Variants in PDE4D observed in about 807,000 individuals in gnomAD.
The protein encoded by PDE4D is 3',5'-cyclic-AMP phosphodiesterase 4D.
In PDE4D, 24 loss-of-function variants were observed where a neutral mutation model predicts 87.4. The ratio of observed to expected loss-of-function variants is 0.27; its 90% CI spans 0.20 to 0.39. The LOEUF (loss-of-function observed/expected upper bound fraction) is 0.39. Among genes scored for constraint, PDE4D ranks in the 10% least tolerant of loss-of-function variants. PDE4D has a pLI of 1.00. For synonymous variants in PDE4D, 384 were observed against 383.2 expected, an observed-to-expected ratio of 1.00 and a Z score of -0.02; for missense variants, 714 against 1,041.0, an observed-to-expected ratio of 0.69 and a Z score of 4.32.
intron 1 of PDE4D, among the ~76,000 whole-genome samples, chr5:60,249,857 A>G (rs1203156839): frequency 6.6e-6 from 1 of 152,014 alleles, no homozygotes; most frequent in East Asian, 1.9e-4. Flanking sequence ...TAGGTATGAA[A>G]TGATGTTCAG....
In PDE4D at chr5:59,724,379, A is replaced by C. The variant is rs576956927; in HGVS notation, c.455+168789T>G. 5.9e-5 allele frequency among the ~76,000 whole-genome samples: 9 copies of C among 151,984 alleles called. No homozygotes were observed. In the East Asian group the frequency reaches 1.7e-3, roughly 30 times the overall value. ...TTTTTTCCTTTCCAACCTTTATTTT[A>C]GGTTTAGAGGGAACATAAGCAGCTT... On this transcript the variant is annotated intron_variant, in intron 1 of 14. Transcript: ENST00000340635.
chr5:60,235,225 T>C (rs114806074), intron 1 of PDE4D, among the ~76,000 whole-genome samples: 7 of 152,044 alleles, frequency 4.6e-5, no homozygotes, highest in African/African-American at 1.7e-4. Flanking sequence ...CCTCTAGGAC[T>C]CTTATACATT....
At chr5:59,389,132 T>C (rs1351505112) in intron 1 of PDE4D, among the ~76,000 whole-genome samples, 1 of 152,028 alleles carries the variant, frequency 6.6e-6, no homozygotes, top group African/African-American at 2.4e-5. Context: ...AGAGATTTGA[T>C]CTAGTCAAAT....
At chr5:59,866,788 T>C (rs1449346160) in intron 1 of PDE4D, among the ~76,000 whole-genome samples, 4 of 152,184 alleles carry the variant, frequency 2.6e-5, no homozygotes, top group African/African-American at 9.6e-5. Context: ...GGAGGATGTA[T>C]GATGGGCAAA....
At chr5:59,602,706 C>A (rs532324652) in intron 1 of PDE4D, among the ~76,000 whole-genome samples, 157 of 152,144 alleles carry the variant, frequency 1.0e-3, no homozygotes, top group Non-Finnish European at 1.9e-3. Context: ...TCATATGGAA[C>A]CACAAAAGAC....
chr5:60,325,705 A>T (rs1756722071), intron 1 of PDE4D, among the ~76,000 whole-genome samples: 1 of 152,148 alleles, frequency 6.6e-6, no homozygotes, highest in African/African-American at 2.4e-5. Context: ...CATGGTAATA[A>T]TATCACAACC....
At chr5:60,203,934 T>C (rs908114323) in intron 1 of PDE4D, among the ~76,000 whole-genome samples, 1 of 152,202 alleles carries the variant, frequency 6.6e-6, no homozygotes, top group Non-Finnish European at 1.5e-5. Flanking sequence ...AAGCAAAAGA[T>C]TAACATGTTT....
At chr5:59,985,182 A>G (rs1222635238) in intron 3 of PDE4D, among the ~76,000 whole-genome samples, 1 of 130,944 alleles carries the variant, frequency 7.6e-6, no homozygotes, top group Non-Finnish European at 1.6e-5. Context: ...TCTGTCGCCC[A>G]GGCTGGAGTG....
intron 2 of PDE4D, among the ~76,000 whole-genome samples, chr5:60,177,797 G>A (rs756038758): frequency 2.0e-5 from 3 of 152,146 alleles, no homozygotes; most frequent in South Asian, 2.1e-4. Context: ...TATAGACACC[G>A]GTGAGGTCAT....
chr5:59,364,127 C>T (rs954552311), intron 1 of PDE4D, among the ~76,000 whole-genome samples: 1 of 152,128 alleles, frequency 6.6e-6, no homozygotes, highest in Non-Finnish European at 1.5e-5. Context: ...ATATATAAAA[C>T]TTAGGGTGCC....
At chr5:59,537,570 C>T (rs1214393508) in intron 1 of PDE4D, among the ~76,000 whole-genome samples, 3 of 152,088 alleles carry the variant, frequency 2.0e-5, no homozygotes, top group African/African-American at 7.2e-5. Context: ...TGTGGCTTCT[C>T]AAAAGTAAAA....
At chr5:59,827,506 A>G (rs2152693839) in intron 1 of PDE4D, among the ~76,000 whole-genome samples, 1 of 152,314 alleles carries the variant, frequency 6.6e-6, no homozygotes, top group South Asian at 2.1e-4. Context: ...CATCTTGCTG[A>G]TTAATTAAAC....
At chr5:60,190,679 G>T (rs2149520162) in intron 1 of PDE4D, among the ~76,000 whole-genome samples, 1 of 152,336 alleles carries the variant, frequency 6.6e-6, no homozygotes, top group South Asian at 2.1e-4. Context: ...CATGGCCATT[G>T]CTGTGGCTAG....
chr5:60,243,485 CA>C (rs1747364919), intron 1 of PDE4D, among the ~76,000 whole-genome samples: 4 of 151,866 alleles, frequency 2.6e-5, no homozygotes, highest in Admixed American at 2.0e-4. Context: ...ACCCTGATAC[CA>C]AAACCAGACA....
In PDE4D at chr5:58,973,750, T is replaced by TTATC. The variant is rs2153299733; in HGVS notation, c.*910_*913dup. Reference sequence around the variant, plus strand: ...AAACACTGGTGAAGAGCAACTCTGCTTATCTGGAAAGAGTGAAACAAAATG... The same window carrying TTATC: ...AAACACTGGTGAAGAGCAACTCTGCTTATCTATCTGGAAAGAGTGAAACAAAATG... On this transcript the variant is annotated 3_prime_UTR_variant, in exon 15 of 15. Transcript: ENST00000340635. The TTATC allele has an allele frequency of 6.6e-6, 1 of 152,566 alleles. No homozygotes were observed. The highest frequency in any genetic ancestry group is 1.9e-4 in the East Asian group (1 of 5,150). 9.5% of individuals were successfully genotyped at this position (152,566 alleles called of 1,614,324 possible).
chr5:59,802,176 T>C (rs1767204759), intron 1 of PDE4D, among the ~76,000 whole-genome samples: 1 of 152,122 alleles, frequency 6.6e-6, no homozygotes, highest in Non-Finnish European at 1.5e-5. Context: ...ACAGCCCACA[T>C]CAATTAGAAG....
At chr5:59,766,415 A>G (rs1762799768) in intron 1 of PDE4D, among the ~76,000 whole-genome samples, 1 of 152,214 alleles carries the variant, frequency 6.6e-6, no homozygotes, top group Non-Finnish European at 1.5e-5. Flanking sequence ...TCCAAACAGC[A>G]CCAGAAAAGG....
chr5:59,151,204 A>G (rs1779433200), intron 5 of PDE4D, among the ~76,000 whole-genome samples: 1 of 152,172 alleles, frequency 6.6e-6, no homozygotes, highest in African/African-American at 2.4e-5. Flanking sequence ...TAAAGAAAAG[A>G]TGCTTACTCT....
intron 1 of PDE4D, among the ~76,000 whole-genome samples, chr5:59,429,491 A>G (rs578190693): frequency 6.6e-6 from 1 of 152,234 alleles, no homozygotes; most frequent in African/African-American, 2.4e-5. Flanking sequence ...TTGTGTAGAT[A>G]TAATTAGAAA....
Sources: gnomAD v4.1 joint callset for allele counts (sites outside exome capture counted in the v4.1 genomes callset) on GRCh38, gnomAD v4.1.1 for gene constraint, MANE v1.5 for transcripts, NCBI Gene and HGNC (gene_info 2026-07-23, HGNC 2026-07-21) for gene names.